GON4L: variants seen among roughly 807,000 people sequenced by gnomAD.
GON4L encodes the protein GON-4-like protein.
GON4L carries 87 observed loss-of-function variants against 211.8 expected under a neutral mutation model. The observed-to-expected ratio is 0.41, with a 90% CI of 0.35 to 0.49. The LOEUF (loss-of-function observed/expected upper bound fraction) is 0.49, where lower values mean the gene tolerates loss of function less well. Among genes scored for constraint, GON4L ranks in the 20% least tolerant of loss-of-function variants. The pLI, the probability that GON4L is intolerant of heterozygous loss-of-function variation, is 0.15. For missense variants in GON4L, 2,155 were observed against 2,659.5 expected, an observed-to-expected ratio of 0.81 and a Z score of 4.17; for synonymous variants, 875 against 962.6, an observed-to-expected ratio of 0.91 and a Z score of 1.68.
chr1:155,839,425 G>A (rs1670586327), intron 2 of GON4L, among the ~76,000 whole-genome samples: 1 of 152,100 alleles, frequency 6.6e-6, no homozygotes, highest in Non-Finnish European at 1.5e-5. Context: ...AAGGTGGGTG[G>A]ATCACTTGAG....
intron 19 of GON4L, among the ~76,000 whole-genome samples, chr1:155,769,561 G>A (rs147642770): frequency 1.5e-4 from 23 of 152,226 alleles, no homozygotes; most frequent in African/African-American, 2.9e-4. Context: ...GGCCAGACAC[G>A]CTGAAAGGAG....
chr1:155,758,500 C>G (rs540379202), intron 24 of GON4L, among the ~76,000 whole-genome samples: 199 of 152,284 alleles, frequency 1.3e-3, no homozygotes, highest in Non-Finnish European at 2.2e-3. Context: ...AGGCAGGGGC[C>G]GTGGTGTACA....
intron 31 of GON4L, among the ~76,000 whole-genome samples, 154 bp downstream of exon 31, chr1:155,751,613 C>T (rs1571603391): frequency 2.0e-5 from 3 of 152,188 alleles, no homozygotes; most frequent in African/African-American, 7.2e-5. Context: ...TCTAGAACCA[C>T]TACCACCCTG....
intron 27 of GON4L, 36 bp from the exon 28 acceptor site, chr1:155,754,524 G>GTTTTTTTTT (rs760971402): frequency 6.3e-6 from 3 of 477,382 alleles, no homozygotes; most frequent in Non-Finnish European, 7.1e-6. Context: ...CTGCCAAGTT[G>GTTTTTTTTT]TTTTTTTTTT....
chr1:155,772,951 G>A, intron 18 of GON4L, 115 bp downstream of exon 18: 2 of 1,376,368 alleles, frequency 1.5e-6, no homozygotes, highest in South Asian at 2.4e-5. Flanking sequence ...TTTTCCTTTT[G>A]TCTTTTGTGT....
chr1:155,781,731 G>A (rs898770416), intron 14 of GON4L, among the ~76,000 whole-genome samples: 7 of 152,002 alleles, frequency 4.6e-5, no homozygotes, highest in African/African-American at 1.4e-4. Context: ...AAAATGCTGG[G>A]ATTACTGGCG....
In GON4L at chr1:155,752,229, G is replaced by A. The variant is rs200443764; in HGVS notation, c.6204C>T (p.Ser2068=). Residue 2068 remains serine (S), a synonymous_variant, in exon 30 of 32, where the codon TCC becomes TCT. Coordinates refer to ENST00000368331, the MANE Select transcript of GON4L (RefSeq NM_001282860.2). ...KTRDAGRRHV[S]GKPDTQERWL... ...ATCTCTCTTGAGTGTCTGGTTTCCC[G>A]GACACATGTCTTCTCCCTGCATCTC... 82 of 1,612,634 alleles carry A rather than the reference G, an allele frequency of 5.1e-5. No individual in the cohort carries two copies. Among genetic ancestry groups the A allele is most frequent in the Middle Eastern group, 4.9e-4 (3 of 6,074 alleles).
chr1:155,775,751 A>G (rs754013026), intron 16 of GON4L, among the ~76,000 whole-genome samples: 1 of 151,908 alleles, frequency 6.6e-6, no homozygotes, highest in Non-Finnish European at 1.5e-5. Flanking sequence ...AAGTCACCGC[A>G]CCCAGCCAAG....
chr1:155,759,370 G>A (rs1162586150), intron 24 of GON4L, among the ~76,000 whole-genome samples: 4 of 152,046 alleles, frequency 2.6e-5, no homozygotes, highest in Non-Finnish European at 5.9e-5. Flanking sequence ...TCTGGAGTTC[G>A]AGACCAGCCT....
At chr1:155,808,266 T>C (rs1667348598) in intron 10 of GON4L, among the ~76,000 whole-genome samples, 1 of 152,112 alleles carries the variant, frequency 6.6e-6, no homozygotes, top group African/African-American at 2.4e-5. Context: ...CTAGAACTCC[T>C]GACCTCAGGT....
intron 4 of GON4L, 143 bp from the exon 5 acceptor site, chr1:155,821,691 C>G: frequency 1.5e-6 from 1 of 662,482 alleles, no homozygotes. Context: ...TAAAGCAAGG[C>G]AACTGAAAGC....
intron 14 of GON4L, among the ~76,000 whole-genome samples, chr1:155,778,455 G>A (rs1664058713): frequency 6.6e-6 from 1 of 152,212 alleles, no homozygotes; most frequent in Middle Eastern, 3.4e-3. Context: ...ATTTCACTGT[G>A]TTAGCCAGGA....
At chr1:155,771,873 TAAG>T (rs2101804847) in intron 18 of GON4L, among the ~76,000 whole-genome samples, 1 of 152,208 alleles carries the variant, frequency 6.6e-6, no homozygotes, top group South Asian at 2.1e-4. Flanking sequence ...GTATTATGAA[TAAG>T]AATAAGGCCA....
intron 2 of GON4L, among the ~76,000 whole-genome samples, chr1:155,830,364 G>A (rs541972539): frequency 2.7e-5 from 4 of 150,834 alleles, no homozygotes; most frequent in South Asian, 4.2e-4. Flanking sequence ...CGCAACCTCC[G>A]CCTCCCGGGT....
At chr1:155,797,333 T>A (rs1347069204) in intron 11 of GON4L, among the ~76,000 whole-genome samples, 1 of 151,850 alleles carries the variant, frequency 6.6e-6, no homozygotes, top group Non-Finnish European at 1.5e-5. Flanking sequence ...CAGGCTGGTC[T>A]CAAACTCCTG....
At chr1:155,843,480 C>T (rs1397692415) in intron 2 of GON4L, among the ~76,000 whole-genome samples, 1 of 152,158 alleles carries the variant, frequency 6.6e-6, no homozygotes, top group Non-Finnish European at 1.5e-5. Context: ...TCCAACCACC[C>T]TCCTACCCCC....
intron 2 of GON4L, among the ~76,000 whole-genome samples, chr1:155,847,361 G>T (rs1429292639): frequency 6.6e-6 from 1 of 152,140 alleles, no homozygotes; most frequent in Non-Finnish European, 1.5e-5. Flanking sequence ...CCTGAGGTCA[G>T]GAGTTCAAGA....
intron 11 of GON4L, among the ~76,000 whole-genome samples, chr1:155,803,414 T>G (rs1016880514): frequency 1.1e-4 from 17 of 152,068 alleles, no homozygotes; most frequent in African/African-American, 4.1e-4. Flanking sequence ...CCAGCAAATT[T>G]TTTTATTTTT....
chr1:155,783,415 G>A (rs970607227), intron 14 of GON4L, among the ~76,000 whole-genome samples: 8 of 152,080 alleles, frequency 5.3e-5, no homozygotes, highest in Non-Finnish European at 1.0e-4. Context: ...GCTGCTACTC[G>A]CAATGGATAA....
Sources: gnomAD v4.1 joint callset for allele counts (sites outside exome capture counted in the v4.1 genomes callset) on GRCh38, gnomAD v4.1.1 for gene constraint, MANE v1.5 for transcripts, NCBI Gene and HGNC (gene_info 2026-07-23, HGNC 2026-07-21) for gene names.